Variants in MDGA2 observed in about 807,000 individuals in gnomAD.
MDGA2 encodes the protein MAM domain-containing glycosylphosphatidylinositol anchor protein 2.
Under a neutral mutation model 117.8 loss-of-function variants are expected in MDGA2, and 40 were observed. That is an observed-to-expected ratio of 0.34 (90% CI 0.26 to 0.44). The LOEUF is 0.44. Among genes scored for constraint, MDGA2 ranks in the 20% least tolerant of loss-of-function variants. MDGA2 has a pLI of 1.00. For synonymous variants in MDGA2, 452 were observed against 439.0 expected, an observed-to-expected ratio of 1.03 and a Z score of -0.37; for missense variants, 1,123 against 1,250.6, an observed-to-expected ratio of 0.90 and a Z score of 1.54.
chr14:47,242,802 C>T (rs539323560), intron 2 of MDGA2, among the ~76,000 whole-genome samples: 7 of 151,984 alleles, frequency 4.6e-5, no homozygotes, highest in South Asian at 2.1e-4. Flanking sequence ...CGAGTCCCAT[C>T]GACCACCCAA....
rs1205440216 is a variant in MDGA2, at chr14:46,961,413, T to A, written c.1820-3770A>T. Among the ~76,000 whole-genome samples the A allele has an allele frequency of 3.3e-5, 5 of 152,170 alleles. 1 individual carries two copies. The highest frequency in any genetic ancestry group is 2.6e-4 in the Admixed American group (4 of 15,280). On this transcript the variant is annotated intron_variant, in intron 8 of 16. Coordinates refer to ENST00000399232, the MANE Select transcript of MDGA2 (RefSeq NM_001113498.3). The stretch of plus-strand genomic sequence containing the variant: ...TTGTTGGTTTTTCTGTACTGCATTA[T>A]GAATAAATTCGTCTGAGCTAATTCA...
At position 47,314,675 on chromosome 14, in the gene MDGA2, C is replaced by CA. The variant is rs1018211396; in HGVS notation, c.281-13126dup. On this transcript the variant is annotated intron_variant, in intron 1 of 16. Coordinates refer to ENST00000399232, the MANE Select transcript of MDGA2 (RefSeq NM_001113498.3). ...CTTGGGTGACAGCAAGATTCTGTCT[C>CA]AAAAAAAAAAGTGATAACAGAGATA... Among the ~76,000 whole-genome samples the CA allele has an allele frequency of 1.1e-3, 151 of 137,532 alleles. 1 individual carries two copies. Among genetic ancestry groups the CA allele is most frequent in the South Asian group, 3.0e-3 (13 of 4,274 alleles). 90.2% of individuals were successfully genotyped at this position (137,532 alleles called of 152,430 possible).
At chr14:47,151,023 A>G (rs1883143189) in intron 3 of MDGA2, among the ~76,000 whole-genome samples, 2 of 152,014 alleles carry the variant, frequency 1.3e-5, no homozygotes, top group South Asian at 4.1e-4. Context: ...ATCCACCTCT[A>G]AAATTCCATT....
At chr14:47,386,182 T>C (rs2138427786) in intron 1 of MDGA2, among the ~76,000 whole-genome samples, 1 of 152,100 alleles carries the variant, frequency 6.6e-6, no homozygotes, top group Middle Eastern at 3.4e-3. Flanking sequence ...CTCAGGAGGC[T>C]GAGGCAGGAG....
chr14:47,267,322 A>G (rs1267823724), intron 2 of MDGA2, among the ~76,000 whole-genome samples: 2 of 152,196 alleles, frequency 1.3e-5, no homozygotes, highest in African/African-American at 4.8e-5. Flanking sequence ...AGGCAATTTA[A>G]TGACTTGGAA....
chr14:47,463,958 C>A (rs2138597850), intron 1 of MDGA2, among the ~76,000 whole-genome samples: 1 of 152,096 alleles, frequency 6.6e-6, no homozygotes, highest in South Asian at 2.1e-4. Context: ...TGGCCAAATA[C>A]TCATTGAGAG....
intron 1 of MDGA2, among the ~76,000 whole-genome samples, chr14:47,500,687 C>A (rs1894381187): frequency 6.6e-6 from 1 of 151,966 alleles, no homozygotes; most frequent in Non-Finnish European, 1.5e-5. Context: ...ATCATGACTA[C>A]AATTGATCAA....
At chr14:47,039,421 C>A (rs989355481) in intron 7 of MDGA2, among the ~76,000 whole-genome samples, 1 of 152,150 alleles carries the variant, frequency 6.6e-6, no homozygotes, top group Non-Finnish European at 1.5e-5. Flanking sequence ...TGTCTCATAT[C>A]TGCCTGTTTC....
intron 9 of MDGA2, 115 bp from the exon 10 acceptor site, chr14:46,920,275 T>C: frequency 1.0e-6 from 1 of 997,472 alleles, no homozygotes; most frequent in Non-Finnish European, 1.4e-6. Flanking sequence ...AATTATAAAA[T>C]CCAATCAATT....
chr14:47,609,465 A>ATATACATATAT (rs1555336021), intron 1 of MDGA2, among the ~76,000 whole-genome samples: 9 of 107,378 alleles, frequency 8.4e-5, no homozygotes, highest in Non-Finnish European at 1.4e-4. Context: ...ATATATATAT[A>ATATACATATAT]AGTTTCTTTA....
intron 5 of MDGA2, among the ~76,000 whole-genome samples, chr14:47,100,140 T>C (rs1413311375): frequency 1.3e-5 from 2 of 151,044 alleles, no homozygotes; most frequent in African/African-American, 4.9e-5. Context: ...AAATAAATAA[T>C]TATTAATTTT....
At chr14:46,850,113 T>C (rs1881001024) in intron 15 of MDGA2, among the ~76,000 whole-genome samples, 1 of 151,870 alleles carries the variant, frequency 6.6e-6, no homozygotes. Context: ...TATTGCCTAA[T>C]CAGAAAATTA....
chr14:47,302,290 A>G lies in MDGA2; in HGVS notation c.281-740T>C, dbSNP rs144160427. ...CTTACACATCGTTGGGGACAACTAC[A>G]TGGAAACTTTCTGTGAGTCATGAGA... On this transcript the variant is annotated intron_variant, in intron 1 of 16. Transcript: ENST00000399232. 4.2e-3 allele frequency among the ~76,000 whole-genome samples: 646 copies of G among 152,314 alleles called. 3 individuals are homozygous for G. The highest frequency in any genetic ancestry group is 0.015 in the African/African-American group (623 of 41,580).
chr14:47,496,177 T>C (rs1445149848), intron 1 of MDGA2, among the ~76,000 whole-genome samples: 6 of 152,194 alleles, frequency 3.9e-5, no homozygotes, highest in African/African-American at 9.6e-5. Context: ...AATGCTGTGA[T>C]AAATTTTCCA....
chr14:47,209,536 C>T (rs948825658), intron 3 of MDGA2, among the ~76,000 whole-genome samples: 9 of 152,100 alleles, frequency 5.9e-5, no homozygotes, highest in Non-Finnish European at 1.0e-4. Flanking sequence ...TGCATTTGAC[C>T]AGTACTGAAT....
rs906921211 is a variant in MDGA2 at position 47,606,152 on chromosome 14, A to T, written c.280+68365T>A. Among the ~76,000 whole-genome samples the T allele has an allele frequency of 3.3e-5, 5 of 152,342 alleles. No homozygotes were observed. The East Asian group carries it at 7.7e-4, about 23-fold the overall frequency. On this transcript the variant is annotated intron_variant, in intron 1 of 16. Transcript: ENST00000399232. ...TTCCCTCCAACTAAATTAATAGTTTATGAGATCAAGGACCTTCCTTTCCAT... is the reference window on the plus strand; with the variant it reads ...TTCCCTCCAACTAAATTAATAGTTTTTGAGATCAAGGACCTTCCTTTCCAT...
chr14:46,956,127 G>A (rs1885553972), intron 9 of MDGA2, among the ~76,000 whole-genome samples: 1 of 152,086 alleles, frequency 6.6e-6, no homozygotes, highest in South Asian at 2.1e-4. Context: ...TCCCTCATGA[G>A]TTAGAAATTA....
At chr14:46,975,518 G>A (rs1202727541) in intron 8 of MDGA2, among the ~76,000 whole-genome samples, 2 of 152,174 alleles carry the variant, frequency 1.3e-5, no homozygotes, top group East Asian at 3.9e-4. Context: ...CTTTTAAGGG[G>A]AATGAAATTC....
chr14:47,283,114 T>C (rs1428462020), intron 2 of MDGA2, among the ~76,000 whole-genome samples: 1 of 152,186 alleles, frequency 6.6e-6, no homozygotes, highest in Non-Finnish European at 1.5e-5. Flanking sequence ...AAATATTGAA[T>C]GCTTATTTTA....
Sources: gnomAD v4.1 joint callset for allele counts (sites outside exome capture counted in the v4.1 genomes callset) on GRCh38, gnomAD v4.1.1 for gene constraint, MANE v1.5 for transcripts, NCBI Gene and HGNC (gene_info 2026-07-23, HGNC 2026-07-21) for gene names.